Variants in RAVER2 observed in about 807,000 individuals in gnomAD.
RAVER2 encodes ribonucleoprotein, PTB binding 2.
In RAVER2, 46 loss-of-function variants were observed where a neutral mutation model predicts 78.1. The ratio of observed to expected loss-of-function variants is 0.59; its 90% CI spans 0.46 to 0.75. The LOEUF (loss-of-function observed/expected upper bound fraction) is 0.75, where lower values mean the gene tolerates loss of function less well. Ranked by LOEUF, RAVER2 falls within the 30% of genes least tolerant of loss-of-function variation. The pLI, the probability that RAVER2 is intolerant of heterozygous loss-of-function variation, is 0.00. For missense variants in RAVER2, 793 were observed against 837.5 expected, an observed-to-expected ratio of 0.95 and a Z score of 0.66; for synonymous variants, 311 against 313.3, an observed-to-expected ratio of 0.99 and a Z score of 0.08.
chr1:64,781,592 T>A, intron 4 of RAVER2, 21 bp downstream of exon 4: 1 of 1,597,908 alleles, frequency 6.3e-7, no homozygotes, highest in Non-Finnish European at 8.5e-7. Context: ...TCTCTTTCTG[T>A]CTCTTTTTTT....
At chr1:64,750,306 TC>T (rs1166996578) in intron 1 of RAVER2, among the ~76,000 whole-genome samples, 2 of 150,498 alleles carry the variant, frequency 1.3e-5, no homozygotes, top group African/African-American at 4.9e-5. Context: ...CTTTTTCTTT[TC>T]TTTTTTTTTT....
intron 5 of RAVER2, among the ~76,000 whole-genome samples, chr1:64,793,466 A>T (rs1287507871): frequency 6.6e-6 from 1 of 152,116 alleles, no homozygotes; most frequent in African/African-American, 2.4e-5. Flanking sequence ...ATTATTCTAG[A>T]CTTCTTTATG....
At chr1:64,810,543 A>G (rs531447633) in intron 9 of RAVER2, among the ~76,000 whole-genome samples, 1 of 152,284 alleles carries the variant, frequency 6.6e-6, no homozygotes, top group East Asian at 1.9e-4. Context: ...TTCTAAGACC[A>G]TCATATTGAG....
At chr1:64,772,816 G>C (rs1183830544) in intron 2 of RAVER2, among the ~76,000 whole-genome samples, 1 of 152,158 alleles carries the variant, frequency 6.6e-6, no homozygotes, top group Non-Finnish European at 1.5e-5. Flanking sequence ...GTTGGGGAAG[G>C]GAGGAAGTAT....
At chr1:64,790,478 G>A (rs887139717) in intron 5 of RAVER2, among the ~76,000 whole-genome samples, 1 of 152,194 alleles carries the variant, frequency 6.6e-6, no homozygotes, top group African/African-American at 2.4e-5. Flanking sequence ...CGCAAGAGTA[G>A]TGATGCTGGC....
At chr1:64,819,053 T>C (rs77182712) in intron 11 of RAVER2, among the ~76,000 whole-genome samples, 170 of 152,202 alleles carry the variant, frequency 1.1e-3, no homozygotes, top group Admixed American at 4.9e-3. Context: ...CAGAGGAAGA[T>C]AATAGAATCT....
chr1:64,825,161 ATTT>A (rs1418618615), intron 11 of RAVER2, among the ~76,000 whole-genome samples: 7 of 152,238 alleles, frequency 4.6e-5, no homozygotes, highest in African/African-American at 1.7e-4. Flanking sequence ...ATTTTGAAAC[ATTT>A]TTAACAATGG....
intron 8 of RAVER2, 117 bp downstream of exon 8, chr1:64,805,222 A>T: frequency 1.1e-6 from 1 of 951,936 alleles, no homozygotes; most frequent in South Asian, 1.7e-5. Context: ...TTATTTAGTC[A>T]TTTAAAATTT....
intron 1 of RAVER2, among the ~76,000 whole-genome samples, chr1:64,764,962 T>G (rs1001939551): frequency 6.6e-6 from 1 of 152,240 alleles, no homozygotes; most frequent in African/African-American, 2.4e-5. Flanking sequence ...AGTGTTTGAT[T>G]AAATAACTGG....
At chr1:64,809,385 A>T (rs1557602692) in intron 9 of RAVER2, among the ~76,000 whole-genome samples, 1 of 152,098 alleles carries the variant, frequency 6.6e-6, no homozygotes, top group Non-Finnish European at 1.5e-5. Flanking sequence ...GGCTGAAATG[A>T]TTGGTTTAAC....
At chr1:64,774,369 G>A (rs957370356) in intron 2 of RAVER2, among the ~76,000 whole-genome samples, 7 of 152,182 alleles carry the variant, frequency 4.6e-5, no homozygotes, top group African/African-American at 1.7e-4. Context: ...GTGTAAGAAA[G>A]GGATCCAGTT....
chr1:64,776,223 A>G (rs1652459195), intron 2 of RAVER2, among the ~76,000 whole-genome samples: 1 of 152,158 alleles, frequency 6.6e-6, no homozygotes, highest in Non-Finnish European at 1.5e-5. Flanking sequence ...GAAAAAAGAC[A>G]TAGAATCAAA....
intron 11 of RAVER2, among the ~76,000 whole-genome samples, chr1:64,822,476 T>C (rs1246563887): frequency 2.0e-5 from 3 of 152,168 alleles, no homozygotes; most frequent in Non-Finnish European, 4.4e-5. Flanking sequence ...TGTAGGTCAA[T>C]TGAAATTATC....
intron 1 of RAVER2, among the ~76,000 whole-genome samples, chr1:64,746,712 G>A (rs920260702): frequency 6.6e-6 from 1 of 151,924 alleles, no homozygotes; most frequent in African/African-American, 2.4e-5. Flanking sequence ...TTTCCATTCC[G>A]CCATGGTCCA....
chr1:64,747,685 G>T (rs963187592), intron 1 of RAVER2, among the ~76,000 whole-genome samples: 2 of 151,894 alleles, frequency 1.3e-5, no homozygotes, highest in African/African-American at 4.8e-5. Flanking sequence ...GCTAATTTTT[G>T]TATTTTTTAG....
intron 11 of RAVER2, among the ~76,000 whole-genome samples, chr1:64,822,766 CA>C (rs1229118582): frequency 6.6e-6 from 1 of 151,880 alleles, no homozygotes; most frequent in Non-Finnish European, 1.5e-5. Flanking sequence ...TCATAATAGC[CA>C]AAAAGGAAAA....
chr1:64,771,241 A>G (rs1652308830), intron 2 of RAVER2, among the ~76,000 whole-genome samples: 1 of 152,066 alleles, frequency 6.6e-6, no homozygotes, highest in East Asian at 1.9e-4. Flanking sequence ...ACAATTGAAA[A>G]GACTGTAGGG....
chr1:64,816,043 T>A (rs539529853), intron 11 of RAVER2: 1 of 152,356 alleles, frequency 6.6e-6, no homozygotes, highest in South Asian at 2.1e-4. Context: ...AATTCCAATT[T>A]GTTTCTTTTC....
chr1:64,778,162 A>C, intron 3 of RAVER2, 70 bp downstream of exon 3: 1 of 1,122,500 alleles, frequency 8.9e-7, no homozygotes, highest in Non-Finnish European at 1.2e-6. Context: ...ACATACACTC[A>C]CAAATTTATC....
Sources: gnomAD v4.1 joint callset for allele counts (sites outside exome capture counted in the v4.1 genomes callset) on GRCh38, gnomAD v4.1.1 for gene constraint, MANE v1.5 for transcripts, NCBI Gene and HGNC (gene_info 2026-07-23, HGNC 2026-07-21) for gene names.